Variants in SLC30A7 observed in about 807,000 individuals in gnomAD.
SLC30A7 encodes the protein zinc transporter 7.
A neutral mutation model predicts 46.0 loss-of-function variants in SLC30A7; 35 were observed. The ratio of observed to expected loss-of-function variants is 0.76; its 90% CI spans 0.58 to 1.01. SLC30A7 has a LOEUF of 1.01. SLC30A7 is among the 50% of genes least tolerant of loss of function. The pLI, the probability that SLC30A7 is intolerant of heterozygous loss-of-function variation, is 0.00. For synonymous variants in SLC30A7, 147 were observed against 157.8 expected (o/e 0.93, Z 0.51); for missense variants, 464 against 451.1 (o/e 1.03, Z -0.26).
rs539012143 is a variant in SLC30A7, at chr1:100,944,801, T to G, written c.843-17027T>G. Among the ~76,000 whole-genome samples, 6 of 152,276 alleles carry G rather than the reference T, an allele frequency of 3.9e-5. No homozygotes were observed. The South Asian group carries it at 6.2e-4, about 16-fold the overall frequency. On this transcript the variant is annotated intron_variant, in intron 8 of 10. Coordinates refer to ENST00000357650, the MANE Select transcript of SLC30A7 (RefSeq NM_133496.5). ...TGTGTCTTTATAGTAGCATGATTTATAATCCTTTGTGGGATCACTGGGTCA... is the reference window on the plus strand; with the variant it reads ...TGTGTCTTTATAGTAGCATGATTTAGAATCCTTTGTGGGATCACTGGGTCA...
At position 100,896,375 on chromosome 1, in the gene SLC30A7, TCCGGCAGAAAGGGAGAAGGCCCAGA is replaced by T. The variant is rs1340929834; in HGVS notation, c.80+36_80+60del. On this transcript the variant is annotated intron_variant, in intron 1 of 10. Coordinates refer to ENST00000357650, the MANE Select transcript of SLC30A7 (RefSeq NM_133496.5). ...GTGCTGTGTTTGCGGGGAGGGGGTG[TCCGGCAGAAAGGGAGAAGGCCCAGA>T]CCTCAGGATGGCCCGAGGTCCAGTG... is the stretch of plus-strand genomic sequence containing the variant. 11 of 1,610,432 alleles carry T rather than the reference TCCGGCAGAAAGGGAGAAGGCCCAGA, an allele frequency of 6.8e-6. No individual in the cohort carries two copies. In the East Asian group the frequency reaches 2.2e-4, roughly 33 times the overall value.
the SLC30A7 span, among the ~76,000 whole-genome samples, chr1:100,993,707 G>A: frequency 1.3e-5 from 2 of 149,542 alleles, no homozygotes; most frequent in Admixed American, 1.3e-4. Context: ...ATAGAATCAA[G>A]TTTTCTAGTA....
intron 4 of SLC30A7, 82 bp from the exon 5 acceptor site, chr1:100,912,030 G>C: frequency 1.6e-6 from 2 of 1,271,100 alleles, no homozygotes; most frequent in Non-Finnish European, 2.2e-6. Context: ...AACTGAAAGT[G>C]TTTAATGTTG....
intron 8 of SLC30A7, among the ~76,000 whole-genome samples, chr1:100,942,416 C>T (rs780242009): frequency 1.6e-4 from 24 of 152,164 alleles, no homozygotes; most frequent in African/African-American, 4.6e-4. Context: ...GGAAAGAACA[C>T]AAATGGCCAT....
chr1:100,961,596 A>G (rs982900910), intron 8 of SLC30A7, among the ~76,000 whole-genome samples: 2 of 152,170 alleles, frequency 1.3e-5, no homozygotes, highest in Non-Finnish European at 1.5e-5. Flanking sequence ...TTTCAGTTTT[A>G]TAGCTTTACT....
chr1:100,924,147 T>G (rs1446295873), intron 8 of SLC30A7, among the ~76,000 whole-genome samples: 1 of 152,230 alleles, frequency 6.6e-6, no homozygotes, highest in Non-Finnish European at 1.5e-5. Flanking sequence ...AGGATTATAT[T>G]ACATATAAAA....
the SLC30A7 span, chr1:100,989,745 C>A: frequency 6.6e-6 from 1 of 152,090 alleles, no homozygotes; most frequent in African/African-American, 2.4e-5. Context: ...TGTTAACAAC[C>A]ACCTTGTATA....
At chr1:100,953,298 G>A (rs902257054) in intron 8 of SLC30A7, among the ~76,000 whole-genome samples, 1 of 152,132 alleles carries the variant, frequency 6.6e-6, no homozygotes, top group African/African-American at 2.4e-5. Flanking sequence ...AATACAACTA[G>A]GTAGACATAG....
intron 5 of SLC30A7, among the ~76,000 whole-genome samples, chr1:100,913,277 T>C (rs1437479324): frequency 2.0e-5 from 3 of 152,182 alleles, no homozygotes; most frequent in African/African-American, 4.8e-5. Flanking sequence ...TTGAAAAATT[T>C]TGGGCATGAA....
At position 100,980,066 on chromosome 1, in the gene SLC30A7, C is replaced by A. The variant is rs1436093355; in HGVS notation, c.*5209C>A. ...AAACTGTGCAGGCTAAAAAGAGGAA[C>A]CAGAACTCCCTTAAGCACTTTTAAG... On this transcript the variant is annotated 3_prime_UTR_variant, in exon 11 of 11. Coordinates refer to ENST00000357650, the MANE Select transcript of SLC30A7 (RefSeq NM_133496.5). 6.6e-6 allele frequency: 1 copy of A among 152,206 alleles called. No homozygotes were observed. Among genetic ancestry groups the A allele is most frequent in the Non-Finnish European group, 1.5e-5 (1 of 67,972 alleles). 9.4% of individuals were successfully genotyped at this position (152,206 alleles called of 1,614,324 possible).
intron 8 of SLC30A7, among the ~76,000 whole-genome samples, chr1:100,939,817 C>T (rs1253298063): frequency 6.6e-6 from 1 of 151,280 alleles, no homozygotes; most frequent in African/African-American, 2.4e-5. Flanking sequence ...CCACTGCACT[C>T]CAGCCTGGGC....
chr1:100,911,291 G>A, intron 4 of SLC30A7, 141 bp downstream of exon 4: 1 of 556,330 alleles, frequency 1.8e-6, no homozygotes. Flanking sequence ...TACAAGAGGA[G>A]CTTACAAAAT....
At chr1:100,910,578 T>G (rs954285867) in intron 3 of SLC30A7, among the ~76,000 whole-genome samples, 2 of 152,166 alleles carry the variant, frequency 1.3e-5, no homozygotes, top group Admixed American at 1.3e-4. Context: ...TTCCTTCAGA[T>G]CGAAGCTCTG....
At chr1:100,946,899 G>C (rs1337853127) in intron 8 of SLC30A7, among the ~76,000 whole-genome samples, 3 of 152,152 alleles carry the variant, frequency 2.0e-5, no homozygotes, top group African/African-American at 7.2e-5. Flanking sequence ...GAATTCAGCT[G>C]TGAATCTGTC....
At position 100,896,193 on chromosome 1, in the gene SLC30A7, T is replaced by A; in HGVS notation, c.-70T>A. On this transcript the variant is annotated 5_prime_UTR_variant, in exon 1 of 11. Transcript: ENST00000357650. ...GGATTCCCGTTTGAGGCGTCACTAC[T>A]GTCACTGCCATCACCCCACGGAGCC... 1 of 1,393,322 alleles carries A rather than the reference T, an allele frequency of 7.2e-7. No individual in the cohort carries two copies. Among genetic ancestry groups the A allele is most frequent in the South Asian group, 1.2e-5 (1 of 86,002 alleles). 86.3% of individuals were successfully genotyped at this position (1,393,322 alleles called of 1,614,324 possible).
chr1:100,929,523 A>G (rs1653541846), intron 8 of SLC30A7, among the ~76,000 whole-genome samples: 1 of 152,090 alleles, frequency 6.6e-6, no homozygotes, highest in South Asian at 2.1e-4. Context: ...ATTTTTCCCT[A>G]CCATTAATTT....
chr1:100,921,950 C>CTTT (rs11166531), intron 8 of SLC30A7, 109 bp downstream of exon 8: 280 of 398,316 alleles, frequency 7.0e-4, no homozygotes, highest in Admixed American at 9.7e-4. Context: ...CCTTTGCTTG[C>CTTT]TTTTTTTTTT....
intron 8 of SLC30A7, among the ~76,000 whole-genome samples, chr1:100,959,489 G>C (rs929107047): frequency 2.0e-5 from 3 of 152,198 alleles, no homozygotes; most frequent in Non-Finnish European, 4.4e-5. Flanking sequence ...AGGTTCATTT[G>C]GGGGAGAATC....
intron 8 of SLC30A7, among the ~76,000 whole-genome samples, chr1:100,949,960 T>C (rs1487925647): frequency 6.6e-6 from 1 of 152,190 alleles, no homozygotes; most frequent in Non-Finnish European, 1.5e-5. Flanking sequence ...CCCAACCCCT[T>C]GCACTTCCTG....
Sources: allele counts gnomAD v4.1 joint callset (sites outside exome capture counted in the v4.1 genomes callset), GRCh38; gene constraint gnomAD v4.1.1; transcripts MANE v1.5; gene names NCBI Gene and HGNC (gene_info 2026-07-23, HGNC 2026-07-21).